Variants in MYO16 observed in about 807,000 individuals in gnomAD.
MYO16 encodes unconventional myosin-XVI.
A neutral mutation model predicts 205.3 loss-of-function variants in MYO16; 94 were observed. The observed-to-expected ratio is 0.46, with a 90% CI of 0.39 to 0.54. The LOEUF (loss-of-function observed/expected upper bound fraction) is 0.54, where lower values mean the gene tolerates loss of function less well. Ranked by LOEUF, MYO16 falls within the 20% of genes least tolerant of loss-of-function variation. The pLI is 0.00. For synonymous variants in MYO16, 988 were observed against 954.0 expected, an observed-to-expected ratio of 1.04 and a Z score of -0.66; for missense variants, 2,315 against 2,387.5, an observed-to-expected ratio of 0.97 and a Z score of 0.63.
rs528872937 is a variant in MYO16, at chr13:108,723,813, A to C, written c.364-3627A>C. Among the ~76,000 whole-genome samples, 38 of 152,244 alleles carry C rather than the reference A, an allele frequency of 2.5e-4. 1 individual carries two copies. In the South Asian group the frequency reaches 7.9e-3, roughly 32 times the overall value. On this transcript the variant is annotated intron_variant, in intron 3 of 34. Coordinates refer to ENST00000457511, the MANE Select transcript of MYO16 (RefSeq NM_001198950.3). ...CTTTGGGCAATTTTAGGTCCTTTGC[A>C]TTAACTTATGAATTTTAGATTCAGC...
intron 27 of MYO16, among the ~76,000 whole-genome samples, chr13:109,075,595 C>T (rs1350456883): frequency 2.6e-5 from 4 of 151,872 alleles, no homozygotes; most frequent in Non-Finnish European, 2.9e-5. Flanking sequence ...AGGCTGGTCT[C>T]GAACTCCTGA....
the MYO16 span, among the ~76,000 whole-genome samples, chr13:108,585,296 T>G: frequency 6.6e-6 from 1 of 152,186 alleles, no homozygotes; most frequent in African/African-American, 2.4e-5. Context: ...ATTAGTTTGG[T>G]TCAGAAAGGC....
intron 22 of MYO16, among the ~76,000 whole-genome samples, chr13:109,011,132 G>A (rs1346241381): frequency 6.6e-6 from 1 of 151,748 alleles, no homozygotes; most frequent in Non-Finnish European, 1.5e-5. Context: ...CTTTTGTGTG[G>A]CAACAGCAGT....
In MYO16 at chr13:109,046,974, T is replaced by A; in HGVS notation, c.2855T>A (p.Leu952His). Residue 952 changes from leucine (L) to histidine (H), a missense_variant, in exon 24 of 35, where the codon CTT (leucine) becomes CAT (histidine). By Grantham distance (99) the Leu-to-His change is moderately conservative. Around this residue, in one of 3 missense-constraint regions of MYO16, gnomAD observed 1,213 missense variants for 1,274.4 expected, o/e 0.95. Coordinates refer to ENST00000457511, the MANE Select transcript of MYO16 (RefSeq NM_001198950.3). Reference protein sequence around the residue: ...EKNKDSLSQNLLFVMKTSENV... With the variant: ...EKNKDSLSQNHLFVMKTSENV... ...AATAAAGACTCCCTTTCACAGAATC[T>A]TCTATTTGTAATGAAAAGTAAGTTG... The A allele has an allele frequency of 6.2e-7, 1 of 1,610,606 alleles. No individual in the cohort carries two copies. The highest frequency in any genetic ancestry group is 8.5e-7 in the Non-Finnish European group (1 of 1,176,890).
intron 21 of MYO16, among the ~76,000 whole-genome samples, chr13:108,997,436 G>GAAAGGAAAGGAAAGT (rs1390893511): frequency 1.3e-5 from 2 of 150,394 alleles, no homozygotes; most frequent in Non-Finnish European, 3.0e-5. Context: ...GAAAGGAAAG[G>GAAAGGAAAGGAAAGT]AAAGGAAAGG....
intron 28 of MYO16, among the ~76,000 whole-genome samples, chr13:109,114,598 A>T (rs1421024441): frequency 6.6e-6 from 1 of 152,192 alleles, no homozygotes. Flanking sequence ...TAGATTATTA[A>T]TCCTACTAGT....
At chr13:108,533,135 T>C in the MYO16 span, among the ~76,000 whole-genome samples, 1 of 152,158 alleles carries the variant, frequency 6.6e-6, no homozygotes, top group African/African-American at 2.4e-5. Context: ...GGAGACCACA[T>C]TGTGTCATAG....
intron 32 of MYO16, among the ~76,000 whole-genome samples, chr13:109,147,121 G>A (rs747117335): frequency 1.3e-5 from 2 of 151,702 alleles, no homozygotes; most frequent in Non-Finnish European, 2.9e-5. Flanking sequence ...ACCAAGCAAT[G>A]TGACTCTGCA....
At chr13:109,119,669 G>C (rs776830083) in intron 28 of MYO16, among the ~76,000 whole-genome samples, 1 of 152,142 alleles carries the variant, frequency 6.6e-6, no homozygotes, top group Non-Finnish European at 1.5e-5. Context: ...CAGTACGTTT[G>C]GATAAGTTCT....
At chr13:108,636,874 A>G (rs2139369204) in intron 1 of MYO16, among the ~76,000 whole-genome samples, 1 of 152,210 alleles carries the variant, frequency 6.6e-6, no homozygotes, top group Non-Finnish European at 1.5e-5. Context: ...TAGGAATCTT[A>G]TATTACTTTT....
chr13:108,679,725 AT>A (rs1208612287), intron 2 of MYO16, among the ~76,000 whole-genome samples: 21 of 149,310 alleles, frequency 1.4e-4, no homozygotes, highest in South Asian at 1.0e-3. Flanking sequence ...AAAAAAAATA[AT>A]AATAATAATA....
chr13:108,620,342 C>A (rs187459547), intron 1 of MYO16, among the ~76,000 whole-genome samples: 1 of 152,136 alleles, frequency 6.6e-6, no homozygotes, highest in Admixed American at 6.5e-5. Context: ...ATAACACTAA[C>A]GTATTTATTT....
chr13:109,134,342 A>G (rs1216958187), intron 31 of MYO16, among the ~76,000 whole-genome samples: 1 of 152,298 alleles, frequency 6.6e-6, no homozygotes, highest in East Asian at 1.9e-4. Flanking sequence ...ATCTGAATCA[A>G]ACTTTGAGGG....
At chr13:108,737,420 G>C (rs924554412) in intron 4 of MYO16, among the ~76,000 whole-genome samples, 1 of 152,232 alleles carries the variant, frequency 6.6e-6, no homozygotes, top group South Asian at 2.1e-4. Flanking sequence ...CTTTGGTTCT[G>C]TTTATATTCT....
chr13:108,588,843 G>T, the MYO16 span, among the ~76,000 whole-genome samples: 2 of 152,104 alleles, frequency 1.3e-5, no homozygotes, highest in Non-Finnish European at 2.9e-5. Context: ...ACCACGATGG[G>T]CAGGTAACCT....
At chr13:109,199,241 C>G (rs1399172026) in intron 34 of MYO16, among the ~76,000 whole-genome samples, 2 of 84,946 alleles carry the variant, frequency 2.4e-5, no homozygotes, top group African/African-American at 8.6e-5. Context: ...TATATATATA[C>G]CGTCATTTTG....
At chr13:109,196,393 A>C (rs1880155203) in intron 34 of MYO16, among the ~76,000 whole-genome samples, 1 of 152,138 alleles carries the variant, frequency 6.6e-6, no homozygotes, top group Non-Finnish European at 1.5e-5. Context: ...AAACCTAATA[A>C]ATAGAAGGGA....
rs1187688753 is a variant in MYO16 at position 108,855,465 on chromosome 13, C to T, written c.1271C>T (p.Pro424Leu). Residue 424 changes from proline (P) to leucine (L), a missense_variant, in exon 11 of 35, where the codon CCA (proline) becomes CTA (leucine). By Grantham distance (98) the Pro-to-Leu change is moderately conservative (BLOSUM62 -3). Transcript: ENST00000457511. ...PEQVKLMPPA[P>L]NDDLATLSEL... ...CAGGTCAAGCTAATGCCTCCTGCCC[C>T]AAACGATGACCTGGCAACGCTCAGC... is the stretch of plus-strand genomic sequence containing the variant. 6.3e-7 allele frequency: 1 copy of T among 1,593,020 alleles called. No homozygotes were observed. The highest frequency in any genetic ancestry group is 2.2e-5 in the East Asian group (1 of 44,554).
intron 23 of MYO16, among the ~76,000 whole-genome samples, chr13:109,042,613 G>T (rs1886917617): frequency 6.6e-6 from 1 of 152,190 alleles, no homozygotes; most frequent in Non-Finnish European, 1.5e-5. Flanking sequence ...ATGAAAAAAT[G>T]TATAAGCTAT....
Sources: allele counts gnomAD v4.1 joint callset (sites outside exome capture counted in the v4.1 genomes callset), GRCh38; gene constraint gnomAD v4.1.1; regional missense constraint gnomAD v4.1.1; transcripts MANE v1.5; gene names NCBI Gene and HGNC (gene_info 2026-07-23, HGNC 2026-07-21).